Variants in APBA2 observed in about 807,000 individuals in gnomAD.
APBA2 encodes amyloid beta precursor protein binding family A member 2.
APBA2 carries 30 observed loss-of-function variants against 75.0 expected under a neutral mutation model. That is an observed-to-expected ratio of 0.40 (90% confidence interval 0.30 to 0.54). The LOEUF is 0.54. Among genes scored for constraint, APBA2 ranks in the 20% least tolerant of loss-of-function variants. The pLI is 0.49. For synonymous variants in APBA2, 444 were observed against 409.6 expected (o/e 1.08, Z -1.01); for missense variants, 801 against 1,016.1 (o/e 0.79, Z 2.88).
intron 3 of APBA2, among the ~76,000 whole-genome samples, chr15:29,030,234 C>T (rs191166808): frequency 3.4e-4 from 52 of 152,172 alleles, no homozygotes; most frequent in African/African-American, 7.2e-4. Flanking sequence ...CAGAGGCAGG[C>T]GGATCACGAA....
chr15:29,033,991 A>T (rs2040619631), intron 3 of APBA2, among the ~76,000 whole-genome samples: 1 of 135,100 alleles, frequency 7.4e-6, no homozygotes, highest in Non-Finnish European at 1.6e-5. Flanking sequence ...AAAAAAAAAG[A>T]AGAAGGGACA....
intron 2 of APBA2, chr15:28,977,024 A>G (rs1178336770): frequency 6.6e-6 from 1 of 152,198 alleles, no homozygotes; most frequent in East Asian, 1.9e-4. Flanking sequence ...GAGGAAATAA[A>G]CCTTACCTCA....
At chr15:28,978,631 G>A (rs1052027414) in intron 2 of APBA2, among the ~76,000 whole-genome samples, 1 of 152,212 alleles carries the variant, frequency 6.6e-6, no homozygotes, top group Non-Finnish European at 1.5e-5. Context: ...CTATTGTGAT[G>A]GCTTCTGAGC....
chr15:29,045,047 T>TCCTCTCTC, intron 3 of APBA2, among the ~76,000 whole-genome samples: 1 of 139,306 alleles, frequency 7.2e-6, no homozygotes, highest in Admixed American at 7.4e-5. Context: ...CTTCCTTCCT[T>TCCTCTCTC]CCTCTCTCCC....
chr15:28,988,660 A>G (rs1004438933), intron 2 of APBA2, among the ~76,000 whole-genome samples: 1 of 152,236 alleles, frequency 6.6e-6, no homozygotes, highest in African/African-American at 2.4e-5. Context: ...GTGGTATTGC[A>G]TTGTACAAAC....
intron 1 of APBA2, among the ~76,000 whole-genome samples, chr15:28,889,228 C>A (rs2031968777): frequency 6.6e-6 from 1 of 152,212 alleles, no homozygotes; most frequent in African/African-American, 2.4e-5. Context: ...TGAAGCCAAT[C>A]TTCCCCTCTC....
At chr15:28,941,583 G>A (rs1348111757) in intron 2 of APBA2, among the ~76,000 whole-genome samples, 1 of 151,510 alleles carries the variant, frequency 6.6e-6, no homozygotes, top group Admixed American at 6.6e-5. Context: ...TAGTGTGTGT[G>A]TAGGGACATG....
intron 6 of APBA2, 130 bp from the exon 7 acceptor site, chr15:29,092,945 C>T (rs957913533): frequency 9.0e-5 from 112 of 1,244,712 alleles, no homozygotes; most frequent in South Asian, 1.9e-4. Context: ...CTGCAGATGG[C>T]AATGGTTGGG....
chr15:28,890,727 C>T (rs570013394), intron 1 of APBA2, among the ~76,000 whole-genome samples: 1 of 152,308 alleles, frequency 6.6e-6, no homozygotes, highest in South Asian at 2.1e-4. Context: ...TCAGCATCTG[C>T]AATACACGCA....
chr15:29,084,722 TGTCTCTTTTAGGTTGTCCATCC>T (rs1486147455), intron 6 of APBA2, among the ~76,000 whole-genome samples: 1 of 152,284 alleles, frequency 6.6e-6, no homozygotes, highest in East Asian at 1.9e-4. Flanking sequence ...AATTCTTTTA[TGTCTCTTTTAGGTTGTCCATCC>T]GTCTCTTTTT....
At chr15:29,006,369 C>A (rs1407331173) in intron 3 of APBA2, among the ~76,000 whole-genome samples, 1 of 152,112 alleles carries the variant, frequency 6.6e-6, no homozygotes, top group Non-Finnish European at 1.5e-5. Flanking sequence ...AAATTGTACA[C>A]AGAAAACTAC....
At chr15:29,051,084 T>C (rs755062406) in intron 3 of APBA2, among the ~76,000 whole-genome samples, 15 of 152,158 alleles carry the variant, frequency 9.9e-5, no homozygotes, top group Non-Finnish European at 4.4e-5. Flanking sequence ...CTGAGAGTTG[T>C]GGTTGCTAAG....
At chr15:28,914,048 G>A (rs1230757535) in intron 1 of APBA2, among the ~76,000 whole-genome samples, 1 of 152,114 alleles carries the variant, frequency 6.6e-6, no homozygotes, top group African/African-American at 2.4e-5. Context: ...TGAAACATTG[G>A]GTTTTTAAAA....
chr15:29,033,987 A>AAAG (rs1220171022), intron 3 of APBA2, among the ~76,000 whole-genome samples: 3 of 148,416 alleles, frequency 2.0e-5, no homozygotes, highest in Non-Finnish European at 3.0e-5. Context: ...AAAAAAAAAA[A>AAAG]AAGAAGAAGG....
intron 3 of APBA2, among the ~76,000 whole-genome samples, chr15:29,045,973 T>A (rs1330506925): frequency 6.6e-6 from 1 of 152,120 alleles, no homozygotes. Flanking sequence ...ATATAACAGT[T>A]GTATCCCTAG....
chr15:28,984,176 T>C (rs1392923109), intron 2 of APBA2, among the ~76,000 whole-genome samples: 2 of 151,804 alleles, frequency 1.3e-5, no homozygotes, highest in Non-Finnish European at 2.9e-5. Flanking sequence ...CACAGTGGGG[T>C]TGAAAGCAAG....
chr15:28,936,148 A>G (rs758443367), intron 2 of APBA2, among the ~76,000 whole-genome samples: 4 of 152,206 alleles, frequency 2.6e-5, no homozygotes, highest in African/African-American at 4.8e-5. Flanking sequence ...GCGGCCCTGT[A>G]CATTTTAATG....
At chr15:29,055,097 TC>T (rs1417480275) in intron 4 of APBA2, among the ~76,000 whole-genome samples, 3 of 149,996 alleles carry the variant, frequency 2.0e-5, no homozygotes, top group Middle Eastern at 3.4e-3. Context: ...AAGACACCCC[TC>T]CTCCCACCCT....
chr15:29,030,924 G>T (rs2152844153), intron 3 of APBA2, among the ~76,000 whole-genome samples: 1 of 151,194 alleles, frequency 6.6e-6, no homozygotes, highest in South Asian at 2.1e-4. Context: ...TATTTGCTTG[G>T]TTTATATTTT....
Sources: gnomAD v4.1 joint callset for allele counts (sites outside exome capture counted in the v4.1 genomes callset) on GRCh38, gnomAD v4.1.1 for gene constraint, MANE v1.5 for transcripts, NCBI Gene and HGNC (gene_info 2026-07-23, HGNC 2026-07-21) for gene names.